The following ARHGEF12 variants were observed in gnomAD, a reference collection of about 807,000 sequenced individuals.
ARHGEF12 encodes KMT2A/ARHGEF12 fusion protein.
A neutral mutation model predicts 211.2 loss-of-function variants in ARHGEF12; 66 were observed. The ratio of observed to expected loss-of-function variants is 0.31; its 90% confidence interval spans 0.26 to 0.38. ARHGEF12 has a LOEUF of 0.38. Among genes scored for constraint, ARHGEF12 ranks in the 10% least tolerant of loss-of-function variants. The pLI, the probability that ARHGEF12 is intolerant of heterozygous loss-of-function variation, is 1.00. For missense variants in ARHGEF12, 1,429 were observed against 1,869.5 expected, an observed-to-expected ratio of 0.76 and a Z score of 4.34; for synonymous variants, 592 against 638.4, an observed-to-expected ratio of 0.93 and a Z score of 1.09.
chr11:120,427,181 A>G (rs994496855), intron 7 of ARHGEF12, among the ~76,000 whole-genome samples: 1 of 151,932 alleles, frequency 6.6e-6, no homozygotes, highest in Non-Finnish European at 1.5e-5. Context: ...TGGCCTGATT[A>G]TGGTGATTTT....
chr11:120,397,509 A>G (rs1944426512), intron 1 of ARHGEF12, among the ~76,000 whole-genome samples: 1 of 152,216 alleles, frequency 6.6e-6, no homozygotes, highest in African/African-American at 2.4e-5. Context: ...ATTCTTTATT[A>G]TGCTGAAAAA....
chr11:120,357,364 T>C (rs1341188076), intron 1 of ARHGEF12, among the ~76,000 whole-genome samples: 19 of 152,210 alleles, frequency 1.2e-4, no homozygotes, highest in Admixed American at 1.2e-3. Context: ...AGATACTGTT[T>C]CTGCCTTTTA....
At chr11:120,378,452 A>G (rs1943791249) in intron 1 of ARHGEF12, among the ~76,000 whole-genome samples, 1 of 152,168 alleles carries the variant, frequency 6.6e-6, no homozygotes, top group Non-Finnish European at 1.5e-5. Context: ...TTCCTTAACA[A>G]TGTCTTTCAA....
chr11:120,352,484 A>G (rs1943012977), intron 1 of ARHGEF12, among the ~76,000 whole-genome samples: 1 of 152,160 alleles, frequency 6.6e-6, no homozygotes, highest in Non-Finnish European at 1.5e-5. Flanking sequence ...AGTGGAGATA[A>G]TATTTTTATT....
At chr11:120,473,695 C>T (rs1484032841) in intron 31 of ARHGEF12, among the ~76,000 whole-genome samples, 1 of 152,218 alleles carries the variant, frequency 6.6e-6, no homozygotes, top group Non-Finnish European at 1.5e-5. Flanking sequence ...TATGCCCAGC[C>T]TGTGTTCTGT....
intron 1 of ARHGEF12, among the ~76,000 whole-genome samples, chr11:120,398,808 T>C (rs888787140): frequency 1.1e-4 from 17 of 152,226 alleles, no homozygotes; most frequent in African/African-American, 1.4e-4. Context: ...GAAGATTTAA[T>C]TGTAATGATA....
intron 1 of ARHGEF12, among the ~76,000 whole-genome samples, chr11:120,354,510 T>C (rs879871439): frequency 6.6e-6 from 1 of 152,242 alleles, no homozygotes; most frequent in Non-Finnish European, 1.5e-5. Context: ...TGATTTTTTG[T>C]CTCTGAAATT....
chr11:120,481,490 A>C lies in ARHGEF12; in HGVS notation c.4468A>C (p.Ile1490Leu). 6.2e-7 allele frequency: 1 copy of C among 1,614,174 alleles called. No homozygotes were observed. Among genetic ancestry groups the C allele is most frequent in the Non-Finnish European group, 8.5e-7 (1 of 1,180,026 alleles). Residue 1490 changes from isoleucine to leucine, a missense_variant, in exon 39 of 41, where the codon ATC becomes CTC. Ile to Leu is a conservative substitution (Grantham distance 5). Around this residue, in one of 7 missense-constraint regions of ARHGEF12, gnomAD observed 467 missense variants for 468.4 expected, o/e 1.00. Transcript: ENST00000397843. ...AGCTATGGAGTATTCCTGTTTTGAG[A>C]TCCAGAGTCCCTCCTCTTGTGCAGA... ...WGAMEYSCFE[I>L]QSPSSCADSQ...
At chr11:120,429,124 C>T (rs768875432) in intron 8 of ARHGEF12, among the ~76,000 whole-genome samples, 1 of 151,892 alleles carries the variant, frequency 6.6e-6, no homozygotes, top group Non-Finnish European at 1.5e-5. Context: ...GCATGGGGAT[C>T]GATAGTAAAG....
intron 7 of ARHGEF12, among the ~76,000 whole-genome samples, chr11:120,427,861 C>A (rs1476958050): frequency 2.6e-5 from 4 of 151,964 alleles, no homozygotes; most frequent in African/African-American, 9.7e-5. Context: ...AAAACGGCAT[C>A]ATTCTTTTGG....
intron 25 of ARHGEF12, 21 bp from the exon 26 acceptor site, chr11:120,459,153 T>A: frequency 6.3e-7 from 1 of 1,580,120 alleles, no homozygotes; most frequent in Non-Finnish European, 8.6e-7. Flanking sequence ...AGGCAACATT[T>A]CATATCTCTT....
At chr11:120,449,085 T>A in intron 20 of ARHGEF12, 24 bp from the exon 21 acceptor site, 1 of 1,598,620 alleles carries the variant, frequency 6.3e-7, no homozygotes, top group Non-Finnish European at 8.6e-7. Flanking sequence ...TACGTATCTC[T>A]TATTTTTTGT....
At position 120,448,350 on chromosome 11, in the gene ARHGEF12, T is replaced by C; in HGVS notation, c.1737+2T>C. ...ATTGGATTTCTTCCCAAAATCAAGG[T>C]AAGAATGAAATAATGTAATAGCATG... On this transcript the variant is annotated splice_donor_variant, in intron 20 of 40. Transcript: ENST00000397843. LOFTEE classifies it high-confidence loss of function. 6.2e-7 allele frequency: 1 copy of C among 1,611,868 alleles called. No homozygotes were observed. The highest frequency in any genetic ancestry group is 1.3e-5 in the African/African-American group (1 of 74,990).
intron 12 of ARHGEF12, among the ~76,000 whole-genome samples, chr11:120,437,658 T>A (rs1945734560): frequency 6.6e-6 from 1 of 152,310 alleles, no homozygotes; most frequent in African/African-American, 2.4e-5. Context: ...TATATTCACA[T>A]TGTTGTGCGA....
intron 4 of ARHGEF12, among the ~76,000 whole-genome samples, chr11:120,419,020 C>CTGGACCCGCCTCCCAGGT (rs1179722050): frequency 1.3e-5 from 2 of 151,738 alleles, no homozygotes; most frequent in South Asian, 2.1e-4. Context: ...GTCGCCCAGG[C>CTGGACCCGCCTCCCAGGT]TGGACCCGCC....
intron 36 of ARHGEF12, 62 bp from the exon 37 acceptor site, chr11:120,478,094 T>C (rs1019934947): frequency 8.8e-7 from 1 of 1,130,784 alleles, no homozygotes; most frequent in Non-Finnish European, 1.3e-6. Flanking sequence ...CCCTGAATGC[T>C]TCATGTTAAA....
intron 3 of ARHGEF12, chr11:120,408,408 CT>C (rs1426106236): frequency 6.6e-6 from 1 of 152,122 alleles, no homozygotes; most frequent in Non-Finnish European, 1.5e-5. Context: ...GATTGATCTC[CT>C]TTTAAAACAT....
chr11:120,463,281 T>C (rs1021634894), intron 27 of ARHGEF12: 1 of 152,328 alleles, frequency 6.6e-6, no homozygotes, highest in Non-Finnish European at 1.5e-5. Flanking sequence ...ATCCCTGCAC[T>C]TTGGGAGGCC....
At chr11:120,436,754 A>G (rs918616211) in intron 11 of ARHGEF12, among the ~76,000 whole-genome samples, 1 of 152,226 alleles carries the variant, frequency 6.6e-6, no homozygotes, top group Admixed American at 6.5e-5. Flanking sequence ...AGATTTGCGT[A>G]TGCAAATACT....
Sources: gnomAD v4.1 joint callset for allele counts (sites outside exome capture counted in the v4.1 genomes callset) on GRCh38, gnomAD v4.1.1 for gene constraint, gnomAD v4.1.1 regional missense constraint, MANE v1.5 for transcripts, NCBI Gene and HGNC (gene_info 2026-07-23, HGNC 2026-07-21) for gene names.